NPTN: variants seen among roughly 807,000 people sequenced by gnomAD.
The protein encoded by NPTN is neuroplastin, also known as SDR-1.
NPTN carries 5 observed loss-of-function variants against 42.7 expected under a neutral mutation model. The observed-to-expected ratio is 0.12, with a 90% CI of 0.06 to 0.25. The LOEUF (loss-of-function observed/expected upper bound fraction) is 0.25. NPTN is among the 10% of genes least tolerant of loss of function. The probability of loss-of-function intolerance (pLI) is 1.00; values close to 1 mark genes in which losing one functional copy is unlikely to be tolerated. For synonymous variants in NPTN, 180 were observed against 201.9 expected (o/e 0.89, Z 0.92); for missense variants, 307 against 525.4 (o/e 0.58, Z 4.06).
At chr15:73,595,834 A>C (rs922596225) in intron 2 of NPTN, among the ~76,000 whole-genome samples, 1 of 152,138 alleles carries the variant, frequency 6.6e-6, no homozygotes, top group African/African-American at 2.4e-5. Flanking sequence ...TTCTCAACAT[A>C]AGGTAGCAAG....
chr15:73,570,251 G>A lies in NPTN; in HGVS notation c.1013C>T (p.Ala338Val). The A allele has an allele frequency of 6.2e-7, 1 of 1,614,216 alleles. No homozygotes were observed. Among genetic ancestry groups the A allele is most frequent in the Non-Finnish European group, 8.5e-7 (1 of 1,180,034 alleles). Residue 338 changes from alanine to valine, a missense_variant, in exon 6 of 9, where the codon GCC (alanine) becomes GTC (valine). Coordinates refer to ENST00000345330, the MANE Select transcript of NPTN (RefSeq NM_012428.4). The surrounding 1 kb of genome is among the most constrained non-coding windows in gnomAD (Gnocchi z 4.0). ...AATTCCCAAGAAAGGCCAGAGTGGG[G>A]CCAGGTGGCTCCGCACCCTGAGGAC... ...VTVLRVRSHL[A>V]PLWPFLGILA...
chr15:73,597,139 A>C lies in NPTN; in HGVS notation c.322T>G (p.Leu108Val), dbSNP rs541449687. 1 of 1,614,188 alleles carries C rather than the reference A, an allele frequency of 6.2e-7. No individual in the cohort carries two copies. Among genetic ancestry groups the C allele is most frequent in the East Asian group, 2.2e-5 (1 of 44,876 alleles). The change falls in exon 2 of 9, where the codon TTG becomes GTG. Residue 108 changes from leucine (L) to valine (V), a missense_variant. This residue lies in a region of NPTN where 264 missense variants were observed against 491.1 expected (regional missense o/e 0.54). Transcript: ENST00000345330. The surrounding 1 kb of genome is among the most constrained non-coding windows in gnomAD (Gnocchi z 6.3). Reference protein sequence around the residue: ...VSVLRITRLTLEDSGTYECRA... With the variant: ...VSVLRITRLTVEDSGTYECRA... ...CACTCGTAAGTCCCAGAGTCCTCCA[A>C]GGTGAGCCGGGTTATTCTCAGCACA...
Position 73,594,018 on chromosome 15 carries a change from C to T in NPTN, c.440-1881G>A, listed in dbSNP as rs527448960. On this transcript the variant is annotated intron_variant, in intron 2 of 8. Transcript: ENST00000345330. The stretch of plus-strand genomic sequence containing the variant: ...CACACACCATCAGCAGAAAGCATCA[C>T]AATTCCAAGAAAAATCAAAACCAAG... Among the ~76,000 whole-genome samples the T allele has an allele frequency of 7.2e-5, 11 of 152,194 alleles. No individual in the cohort carries two copies. In the South Asian group the frequency reaches 2.3e-3, roughly 32 times the overall value.
At chr15:73,622,377 C>G (rs1898176932) in intron 1 of NPTN, among the ~76,000 whole-genome samples, 1 of 151,572 alleles carries the variant, frequency 6.6e-6, no homozygotes, top group Non-Finnish European at 1.5e-5. Context: ...AGCCCCCAGG[C>G]ACAAATATGG....
chr15:73,631,695 T>C (rs1428056124), intron 1 of NPTN, among the ~76,000 whole-genome samples: 1 of 152,190 alleles, frequency 6.6e-6, no homozygotes, highest in East Asian at 1.9e-4. Context: ...GCAAAAATAA[T>C]TTATAGTTCA....
Position 73,560,815 on chromosome 15 carries a change from AG to A in NPTN, c.*247del, listed in dbSNP as rs757230211. ...CACTTCTATTTAAATATTTTAACAA[AG>A]GAAAAAAAAAAGCAACATTCACAGC... is the stretch of plus-strand genomic sequence containing the variant. On this transcript the variant is annotated 3_prime_UTR_variant, in exon 9 of 9. Transcript: ENST00000345330. 6.6e-5 allele frequency: 10 copies of A among 152,262 alleles called. No individual in the cohort carries two copies. The highest frequency in any genetic ancestry group is 1.3e-4 in the Admixed American group (2 of 15,248). 9.4% of individuals were successfully genotyped at this position (152,262 alleles called of 1,614,324 possible).
intron 2 of NPTN, among the ~76,000 whole-genome samples, chr15:73,592,724 G>A (rs920568029): frequency 1.3e-5 from 2 of 152,138 alleles, no homozygotes; most frequent in Non-Finnish European, 2.9e-5. Flanking sequence ...ATTTTGTGGA[G>A]GCAAAATTCT....
chr15:73,563,262 A>G lies in NPTN; in HGVS notation c.1115-5T>C. On this transcript the variant is annotated splice_region_variant and splice_polypyrimidine_tract_variant and intron_variant, in intron 6 of 8. Transcript: ENST00000345330. ...TTGGTCCAGCTGGTTCATCATCTAC[A>G]TGGTGTTCAGTTTTTTAAAAATCCA... 1 of 1,611,312 alleles carries G rather than the reference A, an allele frequency of 6.2e-7. No individual in the cohort carries two copies. Among genetic ancestry groups the G allele is most frequent in the South Asian group, 1.1e-5 (1 of 90,936 alleles).
chr15:73,595,345 T>TA (rs112444659), intron 2 of NPTN, among the ~76,000 whole-genome samples: 2,854 of 150,072 alleles, frequency 0.019, 83 homozygotes, highest in African/African-American at 0.063. Context: ...AAAATATTGT[T>TA]AAAAAAAAAA....
At chr15:73,625,701 A>T (rs528940988) in intron 1 of NPTN, among the ~76,000 whole-genome samples, 4 of 152,270 alleles carry the variant, frequency 2.6e-5, no homozygotes, top group African/African-American at 9.6e-5. Flanking sequence ...ACTCATATAA[A>T]CTAACCCCTA....
chr15:73,565,299 A>G (rs1431709456), intron 6 of NPTN, among the ~76,000 whole-genome samples: 1 of 151,234 alleles, frequency 6.6e-6, no homozygotes. Context: ...TCTCCCCTAC[A>G]GGTCAGACAA....
At chr15:73,565,919 C>A in intron 6 of NPTN, 1 of 388,216 alleles carries the variant, frequency 2.6e-6, no homozygotes, top group Non-Finnish European at 5.2e-6. Context: ...AATACAATAT[C>A]ACCTCCAAAA....
intron 1 of NPTN, among the ~76,000 whole-genome samples, chr15:73,598,134 C>T (rs1896913255): frequency 6.6e-6 from 1 of 152,164 alleles, no homozygotes; most frequent in African/African-American, 2.4e-5. Context: ...TGTGGGTCAG[C>T]TCAGAAGTGG....
At chr15:73,625,581 G>A (rs919829129) in intron 1 of NPTN, among the ~76,000 whole-genome samples, 3 of 151,962 alleles carry the variant, frequency 2.0e-5, no homozygotes, top group Admixed American at 6.5e-5. Flanking sequence ...TCCGCCCACC[G>A]CAGCCTCCCA....
At chr15:73,582,966 G>GC (rs1210603672) in intron 4 of NPTN, among the ~76,000 whole-genome samples, 7 of 152,140 alleles carry the variant, frequency 4.6e-5, no homozygotes, top group Admixed American at 6.5e-5. Context: ...AAGCGTGCAG[G>GC]CAGCCTATTG....
At chr15:73,581,938 G>A (rs1045172574) in intron 4 of NPTN, among the ~76,000 whole-genome samples, 1 of 151,996 alleles carries the variant, frequency 6.6e-6, no homozygotes, top group Admixed American at 6.6e-5. Flanking sequence ...GGGTTCAAGC[G>A]ATTCTTCTGC....
At chr15:73,580,239 G>C (rs913450058) in intron 4 of NPTN, among the ~76,000 whole-genome samples, 7 of 151,102 alleles carry the variant, frequency 4.6e-5, no homozygotes, top group African/African-American at 1.7e-4. Flanking sequence ...TGCGAGGAGG[G>C]AGACCATTAG....
At chr15:73,590,038 T>C (rs1044342748) in intron 3 of NPTN, among the ~76,000 whole-genome samples, 2 of 151,914 alleles carry the variant, frequency 1.3e-5, no homozygotes, top group African/African-American at 4.8e-5. Context: ...ACTGAAGTTC[T>C]TAGACTTCTA....
intron 1 of NPTN, among the ~76,000 whole-genome samples, chr15:73,598,157 C>T (rs1329855578): frequency 6.6e-6 from 1 of 152,126 alleles, no homozygotes; most frequent in Non-Finnish European, 1.5e-5. Context: ...CCAACAATAC[C>T]AGCAACCCAA....
Sources: allele counts gnomAD v4.1 joint callset (sites outside exome capture counted in the v4.1 genomes callset), GRCh38; gene constraint gnomAD v4.1.1; regional missense constraint gnomAD v4.1.1; non-coding constraint Gnocchi (gnomAD v3.1); transcripts MANE v1.5; gene names NCBI Gene and HGNC (gene_info 2026-07-23, HGNC 2026-07-21).